Variants in FHIT observed in about 807,000 individuals in gnomAD.
FHIT encodes fragile histidine triad diadenosine triphosphatase, also known as bis(5'-adenosyl)-triphosphatase.
A neutral mutation model predicts 17.9 loss-of-function variants in FHIT; 19 were observed. The observed-to-expected ratio is 1.06, with a 90% CI of 0.74 to 1.56. The LOEUF (loss-of-function observed/expected upper bound fraction) is 1.56. FHIT is among the 40% of genes most tolerant of loss of function. FHIT has a pLI of 0.00. For synonymous variants in FHIT, 81 were observed against 69.7 expected (o/e 1.16, Z -0.81); for missense variants, 248 against 189.2 (o/e 1.31, Z -1.82).
chr3:60,324,697 GC>G (rs1709601996), intron 5 of FHIT, among the ~76,000 whole-genome samples: 1 of 151,822 alleles, frequency 6.6e-6, no homozygotes, highest in Non-Finnish European at 1.5e-5. Context: ...AAGAACAAAT[GC>G]GTCCACTATA....
intron 3 of FHIT, among the ~76,000 whole-genome samples, chr3:61,022,386 T>C (rs913997536): frequency 3.9e-5 from 6 of 152,202 alleles, no homozygotes; most frequent in African/African-American, 1.4e-4. Flanking sequence ...CAGGACCAGA[T>C]GGATCCACAG....
intron 1 of FHIT, among the ~76,000 whole-genome samples, chr3:61,231,683 G>A (rs1001722308): frequency 1.3e-5 from 2 of 152,186 alleles, no homozygotes; most frequent in African/African-American, 2.4e-5. Context: ...CACTATGCTA[G>A]GTACTAGAGT....
chr3:59,753,555 C>A (rs895256536), intron 8 of FHIT, among the ~76,000 whole-genome samples: 2 of 152,118 alleles, frequency 1.3e-5, no homozygotes, highest in East Asian at 3.9e-4. Flanking sequence ...TGTAAAATGC[C>A]GCAGGTTATC....
chr3:61,105,532 AT>A (rs751036921), intron 2 of FHIT, among the ~76,000 whole-genome samples: 20 of 152,126 alleles, frequency 1.3e-4, no homozygotes, highest in Non-Finnish European at 2.6e-4. Flanking sequence ...ATATAAGTAA[AT>A]AAAAGTGAGT....
At chr3:61,082,949 T>C (rs1182315524) in intron 2 of FHIT, among the ~76,000 whole-genome samples, 1 of 152,154 alleles carries the variant, frequency 6.6e-6, no homozygotes, top group Admixed American at 6.5e-5. Context: ...GCATTCAGGG[T>C]GGTATGGCCG....
chr3:60,012,266 GT>G (rs769497004), intron 6 of FHIT, among the ~76,000 whole-genome samples: 24,512 of 112,222 alleles, frequency 0.22, 2,022 homozygotes, highest in Middle Eastern at 0.34. Flanking sequence ...TTTTTTTGTT[GT>G]TTTTTTTTTT....
intron 3 of FHIT, among the ~76,000 whole-genome samples, chr3:60,925,778 G>A (rs536768038): frequency 6.6e-6 from 1 of 152,152 alleles, no homozygotes; most frequent in Non-Finnish European, 1.5e-5. Context: ...ATTGGATAAA[G>A]AGTCAAGACC....
chr3:59,939,270 C>G (rs947333220), intron 7 of FHIT, among the ~76,000 whole-genome samples: 1 of 152,122 alleles, frequency 6.6e-6, no homozygotes, highest in Admixed American at 6.6e-5. Flanking sequence ...AGAATGGAAC[C>G]CTTCCTAACT....
chr3:60,232,561 A>T (rs1704551908), intron 5 of FHIT, among the ~76,000 whole-genome samples: 1 of 152,048 alleles, frequency 6.6e-6, no homozygotes, highest in South Asian at 2.1e-4. Context: ...AACCCTCAAG[A>T]CTTCCTCCTC....
chr3:60,355,856 G>T (rs973965228), intron 5 of FHIT, among the ~76,000 whole-genome samples: 1 of 152,056 alleles, frequency 6.6e-6, no homozygotes, highest in East Asian at 1.9e-4. Flanking sequence ...TTAGAGAGTA[G>T]GTAATGACAT....
intron 5 of FHIT, among the ~76,000 whole-genome samples, chr3:60,226,783 G>C (rs1377571719): frequency 1.3e-5 from 2 of 152,112 alleles, no homozygotes; most frequent in African/African-American, 4.8e-5. Context: ...ATGGCCTTGA[G>C]AAGTGCTGGT....
intron 1 of FHIT, among the ~76,000 whole-genome samples, chr3:61,216,249 C>A (rs987278468): frequency 6.6e-6 from 1 of 152,172 alleles, no homozygotes; most frequent in African/African-American, 2.4e-5. Flanking sequence ...ACTCATTTGA[C>A]AAAGGGCTAA....
chr3:60,843,026 C>T (rs559464463), intron 3 of FHIT, among the ~76,000 whole-genome samples: 1 of 152,200 alleles, frequency 6.6e-6, no homozygotes, highest in Admixed American at 6.5e-5. Context: ...GATTTATTTG[C>T]ATCTGAGTGT....
chr3:60,003,348 T>G (rs1213786579), intron 7 of FHIT, among the ~76,000 whole-genome samples: 4 of 152,198 alleles, frequency 2.6e-5, no homozygotes, highest in African/African-American at 9.7e-5. Context: ...TTTCCTGCTG[T>G]TAATAACTAC....
At chr3:60,396,081 G>C (rs922432210) in intron 5 of FHIT, among the ~76,000 whole-genome samples, 3 of 152,082 alleles carry the variant, frequency 2.0e-5, no homozygotes, top group Admixed American at 1.3e-4. Context: ...TACCGCACTT[G>C]CTACCCAGAA....
At chr3:59,779,063 A>G (rs1702457082) in intron 8 of FHIT, among the ~76,000 whole-genome samples, 1 of 152,154 alleles carries the variant, frequency 6.6e-6, no homozygotes, top group Non-Finnish European at 1.5e-5. Flanking sequence ...GATTACTTGT[A>G]CTGATTTAAG....
chr3:59,768,721 A>T (rs1325950613), intron 8 of FHIT, among the ~76,000 whole-genome samples: 1 of 152,240 alleles, frequency 6.6e-6, no homozygotes, highest in Admixed American at 6.5e-5. Context: ...TGCCCAGATA[A>T]ACTTATCACA....
chr3:61,193,252 T>G lies in FHIT; in HGVS notation c.-164+7365A>C, dbSNP rs116745887. 1.8e-3 allele frequency among the ~76,000 whole-genome samples: 270 copies of G among 152,296 alleles called. 1 individual carries two copies. Among genetic ancestry groups the G allele is most frequent in the Middle Eastern group, 6.8e-3 (2 of 294 alleles). On this transcript the variant is annotated intron_variant, in intron 2 of 9. Transcript: ENST00000492590. Reference sequence around the variant, plus strand: ...AGTAAGGATTGGGCTTTCCTGGTATTGGAGAGAAGCTGGAGCAGTTCCTTA... The same window carrying G: ...AGTAAGGATTGGGCTTTCCTGGTATGGGAGAGAAGCTGGAGCAGTTCCTTA...
At chr3:61,218,571 G>A (rs1378420413) in intron 1 of FHIT, among the ~76,000 whole-genome samples, 1 of 152,152 alleles carries the variant, frequency 6.6e-6, no homozygotes, top group Non-Finnish European at 1.5e-5. Context: ...AAAAAAGGCC[G>A]AGTATGTATC....
Sources: allele counts gnomAD v4.1 joint callset (sites outside exome capture counted in the v4.1 genomes callset), GRCh38; gene constraint gnomAD v4.1.1; transcripts MANE v1.5; gene names NCBI Gene and HGNC (gene_info 2026-07-23, HGNC 2026-07-21).